FNIP2: variants seen among roughly 807,000 people sequenced by gnomAD.
The protein encoded by FNIP2 is folliculin interacting protein 2.
A neutral mutation model predicts 108.7 loss-of-function variants in FNIP2; 32 were observed. That is an observed-to-expected ratio of 0.29 (90% CI 0.22 to 0.40). FNIP2 has a LOEUF of 0.40. Among genes scored for constraint, FNIP2 ranks in the 10% least tolerant of loss-of-function variants. FNIP2 has a pLI of 1.00. For missense variants in FNIP2, 1,202 were observed against 1,381.6 expected, an observed-to-expected ratio of 0.87 and a Z score of 2.06; for synonymous variants, 480 against 496.7, an observed-to-expected ratio of 0.97 and a Z score of 0.45.
chr4:158,832,423 A>G (rs13140174), intron 5 of FNIP2, among the ~76,000 whole-genome samples: 5,197 of 152,312 alleles, frequency 0.034, 133 homozygotes, highest in South Asian at 0.093. Flanking sequence ...AAAATAAAGA[A>G]CAAAAGGGAA....
At chr4:158,822,727 G>C (rs1777952100) in intron 1 of FNIP2, among the ~76,000 whole-genome samples, 1 of 152,058 alleles carries the variant, frequency 6.6e-6, no homozygotes, top group Admixed American at 6.5e-5. Flanking sequence ...TGGAATTCCT[G>C]GGCTCAAGAG....
intron 1 of FNIP2, among the ~76,000 whole-genome samples, chr4:158,770,146 A>G (rs1329088966): frequency 1.3e-5 from 2 of 150,408 alleles, no homozygotes; most frequent in Non-Finnish European, 3.0e-5. Flanking sequence ...TCCAGCTGTC[A>G]GTGGTAGAGC....
intron 1 of FNIP2, among the ~76,000 whole-genome samples, chr4:158,790,113 G>A (rs1776362283): frequency 6.6e-6 from 1 of 151,822 alleles, no homozygotes; most frequent in Non-Finnish European, 1.5e-5. Flanking sequence ...TATATATAAA[G>A]TGTATATGAA....
chr4:158,813,135 G>C (rs931978540), intron 1 of FNIP2, among the ~76,000 whole-genome samples: 2 of 152,106 alleles, frequency 1.3e-5, no homozygotes, highest in African/African-American at 4.8e-5. Flanking sequence ...GGATGTCTTG[G>C]TCGCTTCTAT....
intron 8 of FNIP2, among the ~76,000 whole-genome samples, chr4:158,854,914 G>A (rs1324535798): frequency 6.6e-6 from 1 of 152,184 alleles, no homozygotes; most frequent in Non-Finnish European, 1.5e-5. Context: ...GAAATTATTT[G>A]TGACCAGCAC....
intron 14 of FNIP2, among the ~76,000 whole-genome samples, chr4:158,889,604 C>T (rs1435235605): frequency 6.6e-6 from 1 of 152,206 alleles, no homozygotes; most frequent in Non-Finnish European, 1.5e-5. Flanking sequence ...TTGCCCTTTG[C>T]AAAAGCTAGA....
At chr4:158,854,129 C>T (rs1779853009) in intron 8 of FNIP2, among the ~76,000 whole-genome samples, 1 of 152,190 alleles carries the variant, frequency 6.6e-6, no homozygotes. Context: ...AGAGACTAAA[C>T]TCTCTGCAGA....
intron 1 of FNIP2, among the ~76,000 whole-genome samples, chr4:158,812,308 T>C (rs1777322164): frequency 6.6e-6 from 1 of 152,122 alleles, no homozygotes; most frequent in Non-Finnish European, 1.5e-5. Context: ...GTACATTCTG[T>C]AGAGCAGTGT....
intron 5 of FNIP2, 96 bp from the exon 6 acceptor site, chr4:158,833,432 C>A: frequency 1.4e-6 from 1 of 706,510 alleles, no homozygotes; most frequent in Admixed American, 2.6e-5. Context: ...ACTGATCAGT[C>A]GTTGTCTATA....
At chr4:158,819,711 A>G (rs1298651383) in intron 1 of FNIP2, among the ~76,000 whole-genome samples, 1 of 152,196 alleles carries the variant, frequency 6.6e-6, no homozygotes, top group African/African-American at 2.4e-5. Context: ...GTGGGAAATA[A>G]TGTGTATTTT....
At position 158,868,698 on chromosome 4, in the gene FNIP2, G is replaced by A. The variant is rs201095537; in HGVS notation, c.2062G>A (p.Val688Met). 222 of 1,613,922 alleles carry A rather than the reference G, an allele frequency of 1.4e-4. No individual in the cohort carries two copies. Among genetic ancestry groups the A allele is most frequent in the Non-Finnish European group, 9.7e-5 (115 of 1,179,906 alleles). ...DQQAVCELLKVEMPTRLPDRS... is the reference protein window; with the variant it reads ...DQQAVCELLKMEMPTRLPDRS... ...GCAAGCTGTCTGTGAGCTGTTGAAA[G>A]TGGAGATGCCTACAAGACTGCCAGA... Residue 688 changes from valine (V) to methionine (M), a missense_variant, in exon 13 of 17, where the codon GTG (valine) becomes ATG (methionine). Physicochemically the swap from Val to Met is conservative, Grantham distance 21 (BLOSUM62 1). Around this residue, in one of 5 missense-constraint regions of FNIP2, gnomAD observed 878 missense variants for 990.3 expected, o/e 0.89. Coordinates refer to ENST00000264433, the MANE Select transcript of FNIP2 (RefSeq NM_020840.3). This position sits in a 1 kb window ranked among gnomAD's most constrained non-coding sequence, Gnocchi z 4.6.
intron 1 of FNIP2, among the ~76,000 whole-genome samples, chr4:158,771,976 T>C (rs991299084): frequency 6.6e-6 from 1 of 152,222 alleles, no homozygotes; most frequent in Admixed American, 6.5e-5. Flanking sequence ...AACTAGTTTA[T>C]CTCACAGGTC....
In FNIP2 at chr4:158,906,278, T is replaced by C. The variant is rs1462412090; in HGVS notation, c.*1734T>C. On this transcript the variant is annotated 3_prime_UTR_variant, in exon 17 of 17. Coordinates refer to ENST00000264433, the MANE Select transcript of FNIP2 (RefSeq NM_020840.3). ...CACCCCACATCCGTTTCTCATTACG[T>C]GTAAATAAACTGTCAGAGCTGATGT... The C allele has an allele frequency of 1.3e-5, 2 of 152,214 alleles. No individual in the cohort carries two copies. Among genetic ancestry groups the C allele is most frequent in the African/African-American group, 4.8e-5 (2 of 41,448 alleles). 9.4% of individuals were successfully genotyped at this position (152,214 alleles called of 1,614,324 possible). A position where few individuals can be genotyped will look rare whatever the true frequency, so the allele number is the denominator to read the frequency against.
At chr4:158,825,856 T>G (rs1234475075) in intron 1 of FNIP2, 60 bp from the exon 2 acceptor site, 1 of 1,569,836 alleles carries the variant, frequency 6.4e-7, no homozygotes, top group Non-Finnish European at 8.7e-7. Flanking sequence ...AGCTTATCTG[T>G]CTGTGATCAT....
In FNIP2 at chr4:158,781,446, G is replaced by A. The variant is rs180915310; in HGVS notation, c.107+12127G>A. ...TAAATTTAGGTAACCCCAAAGTGTA[G>A]ATGGGGAGGGACCCCAGTCTATACT... is the stretch of plus-strand genomic sequence containing the variant. On this transcript the variant is annotated intron_variant, in intron 1 of 16. Transcript: ENST00000264433. Among the ~76,000 whole-genome samples, 342 of 152,258 alleles carry A rather than the reference G, an allele frequency of 2.2e-3. 3 individuals are homozygous for A. Among genetic ancestry groups the A allele is most frequent in the East Asian group, 9.6e-4 (5 of 5,188 alleles).
chr4:158,837,847 G>A (rs1016550984), intron 7 of FNIP2, among the ~76,000 whole-genome samples: 10 of 152,158 alleles, frequency 6.6e-5, no homozygotes, highest in Non-Finnish European at 1.0e-4. Flanking sequence ...TTCTCCTGTT[G>A]GGAGGAAGGG....
intron 16 of FNIP2, among the ~76,000 whole-genome samples, chr4:158,896,301 C>A (rs903684776): frequency 6.6e-6 from 1 of 152,114 alleles, no homozygotes; most frequent in Admixed American, 6.5e-5. Flanking sequence ...GCTTGAGGAG[C>A]CTGCCTGCGT....
intron 1 of FNIP2, among the ~76,000 whole-genome samples, chr4:158,813,356 G>A (rs1777386783): frequency 6.6e-6 from 1 of 152,216 alleles, no homozygotes; most frequent in African/African-American, 2.4e-5. Flanking sequence ...GGCATTGTCA[G>A]TGTTCCAGAC....
At chr4:158,790,182 T>C (rs1776365416) in intron 1 of FNIP2, among the ~76,000 whole-genome samples, 1 of 151,726 alleles carries the variant, frequency 6.6e-6, no homozygotes, top group African/African-American at 2.4e-5. Flanking sequence ...TATCTCATAA[T>C]GTGTATACAA....
Sources: gnomAD v4.1 joint callset for allele counts (sites outside exome capture counted in the v4.1 genomes callset) on GRCh38, gnomAD v4.1.1 for gene constraint, gnomAD v4.1.1 regional missense constraint, Gnocchi (gnomAD v3.1) non-coding constraint, MANE v1.5 for transcripts, NCBI Gene and HGNC (gene_info 2026-07-23, HGNC 2026-07-21) for gene names.